The following FLNC variants were observed in gnomAD, a reference collection of about 807,000 sequenced individuals.
FLNC encodes the protein filamin-C.
A neutral mutation model predicts 254.3 loss-of-function variants in FLNC; 91 were observed. That is an observed-to-expected ratio of 0.36 (90% CI 0.30 to 0.43). FLNC has a LOEUF of 0.43. Ranked by LOEUF, FLNC falls within the 20% of genes least tolerant of loss-of-function variation. FLNC has a pLI of 1.00. For missense variants in FLNC, 2,853 were observed against 3,802.6 expected (o/e 0.75, Z 6.57); for synonymous variants, 1,430 against 1,577.2 (o/e 0.91, Z 2.21).
chr7:128,839,321 C>A (rs1017904139), intron 8 of FLNC, among the ~76,000 whole-genome samples: 1 of 152,208 alleles, frequency 6.6e-6, no homozygotes, highest in Non-Finnish European at 1.5e-5. Context: ...AGTGTCTTTG[C>A]CACTTGCCTG....
In FLNC at chr7:128,844,237, G is replaced by A. The variant is rs1808461293; in HGVS notation, c.3163G>A (p.Glu1055Lys). Residue 1055 changes from glutamate (E) to lysine (K), a missense_variant, in exon 20 of 48, where the codon GAG (glutamate) becomes AAG (lysine). By Grantham distance (56) the Glu-to-Lys change is moderately conservative. Around this residue, in one of 10 missense-constraint regions of FLNC, gnomAD observed 1,573 missense variants for 1,883.5 expected, o/e 0.84. Coordinates refer to ENST00000325888, the MANE Select transcript of FLNC (RefSeq NM_001458.5). ...HPVPGSPFAV[E>K]GVLPPDPSKV... The stretch of plus-strand genomic sequence containing the variant: ...GGTGCCTGGCAGCCCGTTTGCTGTG[G>A]AGGGTGTCCTGCCCCCTGATCCCTC... The A allele has an allele frequency of 6.2e-7, 1 of 1,610,616 alleles. No individual in the cohort carries two copies. The highest frequency in any genetic ancestry group is 8.5e-7 in the Non-Finnish European group (1 of 1,178,064).
rs992468003 is a variant in FLNC, at chr7:128,835,078, G to T, written c.353-248G>T. ...ACATAGACAGGAGGCAGACTCACTT[G>T]CTGTAGCTGAGGTGAGGGTACCTTC... On this transcript the variant is annotated intron_variant, in intron 1 of 47. Coordinates refer to ENST00000325888, the MANE Select transcript of FLNC (RefSeq NM_001458.5). This position sits in a 1 kb window ranked among gnomAD's most constrained non-coding sequence, Gnocchi z 5.3. Among the ~76,000 whole-genome samples, 3 of 152,214 alleles carry T rather than the reference G, an allele frequency of 2.0e-5. No homozygotes were observed. Among genetic ancestry groups the T allele is most frequent in the African/African-American group, 7.2e-5 (3 of 41,448 alleles).
At position 128,853,674 on chromosome 7, in the gene FLNC, G is replaced by T. The variant is rs1377226886; in HGVS notation, c.6362-41G>T. On this transcript the variant is annotated intron_variant, in intron 38 of 47. Transcript: ENST00000325888. The stretch of plus-strand genomic sequence containing the variant: ...GAGAGACAGGGAGGCCAGGAGGCTG[G>T]GGCTCTGAGGTTCCTGACCCACCCT... The T allele has an allele frequency of 4.3e-6, 7 of 1,613,856 alleles. No homozygotes were observed. The South Asian group carries it at 6.6e-5, about 15-fold the overall frequency.
Position 128,838,033 on chromosome 7 carries a change from C to A in FLNC, c.1016C>A (p.Ser339Tyr). 1 of 1,614,028 alleles carries A rather than the reference C, an allele frequency of 6.2e-7. No homozygotes were observed. The highest frequency in any genetic ancestry group is 1.1e-5 in the South Asian group (1 of 91,088). The change falls in exon 6 of 48, where the codon TCC becomes TAC. Residue 339 changes from serine (S) to tyrosine (Y), a missense_variant. Ser to Tyr is a moderately radical substitution (Grantham distance 144). This residue lies in a region of FLNC where 1,573 missense variants were observed against 1,883.5 expected (regional missense o/e 0.84). Coordinates refer to ENST00000325888, the MANE Select transcript of FLNC (RefSeq NM_001458.5). The stretch of plus-strand genomic sequence containing the variant: ...GACAAGGATCGCACCTATGCTGTCT[C>A]CTATGTGCCCAAGGTCGCTGGGTTA... The part of the protein sequence containing the change: ...NNDKDRTYAV[S>Y]YVPKVAGLHK...
rs369221655 is a variant in FLNC at position 128,835,520 on chromosome 7, C to T, written c.547C>T (p.Arg183Cys). 31 of 1,613,588 alleles carry T rather than the reference C, an allele frequency of 1.9e-5. No homozygotes were observed. Among genetic ancestry groups the T allele is most frequent in the African/African-American group, 4.0e-5 (3 of 74,938 alleles). Residue 183 changes from arginine (R) to cysteine (C), a missense_variant, in exon 2 of 48, where the codon CGT becomes TGT. Arg to Cys is a radical substitution (Grantham distance 180, BLOSUM62 -3). Transcript: ENST00000325888. The surrounding 1 kb of genome is among the most constrained non-coding windows in gnomAD (Gnocchi z 5.3). ...CCAGCTGCCCATCACCAACTTCAAC[C>T]GTGACTGGCAGGACGGCAAAGCTCT... ...VPQLPITNFN[R>C]DWQDGKALGA...
chr7:128,845,794 T>TG (rs1335782064), intron 21 of FLNC, among the ~76,000 whole-genome samples, 196 bp from the exon 22 acceptor site: 1 of 40,902 alleles, frequency 2.4e-5, no homozygotes, highest in Non-Finnish European at 5.1e-5. Context: ...CAGGGGAGGG[T>TG]GTGGGGCCCA....
chr7:128,838,561 G>A (rs1808199940), intron 7 of FLNC, 42 bp from the exon 8 acceptor site: 3 of 1,610,788 alleles, frequency 1.9e-6, no homozygotes, highest in South Asian at 1.1e-5. Context: ...CGGGGCAGCT[G>A]TGTGTGTCCA....
At chr7:128,855,395 A>G in intron 43 of FLNC, 81 bp downstream of exon 43, 1 of 930,294 alleles carries the variant, frequency 1.1e-6, no homozygotes, top group Non-Finnish European at 1.7e-6. Flanking sequence ...CCATGGGGCC[A>G]GGGATTTAGC....
chr7:128,844,872 C>T lies in FLNC; in HGVS notation c.3407C>T (p.Ala1136Val), dbSNP rs762793681. The T allele has an allele frequency of 8.7e-6, 14 of 1,613,978 alleles. No individual in the cohort carries two copies. Among genetic ancestry groups the T allele is most frequent in the Non-Finnish European group, 1.1e-5 (13 of 1,180,054 alleles). The stretch of plus-strand genomic sequence containing the variant: ...GAGTACACCATCAACATCCTGTTTG[C>T]TGAGGCCCACATCCCTGGCTCGCCC... ...PGEYTINILFAEAHIPGSPFK... is the reference protein window; with the variant it reads ...PGEYTINILFVEAHIPGSPFK... Residue 1136 changes from alanine to valine, a missense_variant, in exon 21 of 48, where the codon GCT (alanine) becomes GTT (valine). Around this residue, in one of 10 missense-constraint regions of FLNC, gnomAD observed 1,573 missense variants for 1,883.5 expected, o/e 0.84. Transcript: ENST00000325888.
chr7:128,840,207 A>T (rs1362853771), intron 9 of FLNC, 47 bp downstream of exon 9: 4 of 1,607,926 alleles, frequency 2.5e-6, no homozygotes, highest in Non-Finnish European at 3.4e-6. Context: ...GGGGGATCAT[A>T]AGGGAAGTAT....
In FLNC at chr7:128,846,936, G is replaced by T; in HGVS notation, c.4288+31G>T. On this transcript the variant is annotated intron_variant, in intron 24 of 47. Coordinates refer to ENST00000325888, the MANE Select transcript of FLNC (RefSeq NM_001458.5). ...CAGAGAGAGTGGTCGGGGTCTCAGG[G>T]AAGACAAGGGAGGGTGCAGGATGCT... 2.5e-6 allele frequency: 4 copies of T among 1,613,438 alleles called. No individual in the cohort carries two copies. The South Asian group carries it at 3.3e-5, about 13-fold the overall frequency.
chr7:128,842,262 T>A lies in FLNC; in HGVS notation c.2153T>A (p.Val718Glu). ...DADGCPIDIK[V>E]IPNGDGTFRC... ...GACGGCTGTCCCATCGACATCAAGG[T>A]GATCCCCAACGGCGACGGCACCTTC... The change falls in exon 14 of 48, where the codon GTG becomes GAG. Residue 718 changes from valine to glutamate, a missense_variant. This residue lies in a region of FLNC where 1,573 missense variants were observed against 1,883.5 expected (regional missense o/e 0.84). Transcript: ENST00000325888. The surrounding 1 kb of genome is among the most constrained non-coding windows in gnomAD (Gnocchi z 5.4). 1 of 1,613,624 alleles carries A rather than the reference T, an allele frequency of 6.2e-7. No individual in the cohort carries two copies. Among genetic ancestry groups the A allele is most frequent in the East Asian group, 2.2e-5 (1 of 44,874 alleles).
At chr7:128,846,270 C>G (rs1202617010) in intron 22 of FLNC, 31 bp from the exon 23 acceptor site, 30 of 1,613,388 alleles carry the variant, frequency 1.9e-5, no homozygotes, top group Non-Finnish European at 2.4e-5. Context: ...GCGCACACTC[C>G]CTGATTGATG....
chr7:128,843,575 C>T lies in FLNC; in HGVS notation c.2809C>T (p.Gln937Ter). 6.2e-7 allele frequency: 1 copy of T among 1,613,754 alleles called. No individual in the cohort carries two copies. The highest frequency in any genetic ancestry group is 8.5e-7 in the Non-Finnish European group (1 of 1,179,986). The change falls in exon 18 of 48, where the codon CAG (glutamine) becomes TAG (stop). Residue 937 changes from glutamine to a stop codon, truncating the protein, a stop_gained and splice_region_variant. Transcript: ENST00000325888. LOFTEE classifies it high-confidence loss of function. The part of the protein sequence containing the change: ...SYTVKYTAVQ[Q>*]GNMAVTVTYG... ...CACTGTCAAGTACACCGCTGTCCAGCAGGTGCGCTCTGCCCCTCCCATGCT... is the reference window on the plus strand; with the variant it reads ...CACTGTCAAGTACACCGCTGTCCAGTAGGTGCGCTCTGCCCCTCCCATGCT...
Position 128,836,478 on chromosome 7 carries a change from G to A in FLNC, c.602-682G>A, listed in dbSNP as rs1018666286. 4.7e-4 allele frequency among the ~76,000 whole-genome samples: 72 copies of A among 152,074 alleles called. No homozygotes were observed. The highest frequency in any genetic ancestry group is 1.6e-3 in the African/African-American group (67 of 41,386). ...GGCCCCCTCCCCGAAACGGTGTGCC[G>A]TCCCCCTCCTCCAGCTCTGGCCTAA... is the stretch of plus-strand genomic sequence containing the variant. On this transcript the variant is annotated intron_variant, in intron 2 of 47. Transcript: ENST00000325888. The surrounding 1 kb of genome is among the most constrained non-coding windows in gnomAD (Gnocchi z 6.0).
intron 23 of FLNC, 102 bp downstream of exon 23, chr7:128,846,565 C>T (rs1213029930): frequency 6.8e-7 from 1 of 1,478,754 alleles, no homozygotes; most frequent in Non-Finnish European, 9.3e-7. Context: ...ACCCCATCCT[C>T]TCTCAGGGGT....
intron 31 of FLNC, 68 bp downstream of exon 31, chr7:128,850,142 T>C: frequency 7.6e-7 from 1 of 1,322,486 alleles, no homozygotes. Flanking sequence ...TCTCTACTCC[T>C]CTGCAGCCAG....
Position 128,830,763 on chromosome 7 carries a change from C to T in FLNC, c.126C>T (p.Phe42=), listed in dbSNP as rs746857110. Residue 42 remains phenylalanine (F), a synonymous_variant, in exon 1 of 48, where the codon TTC becomes TTT. Coordinates refer to ENST00000325888, the MANE Select transcript of FLNC (RefSeq NM_001458.5). The part of the protein sequence containing the change: ...APWKKIQQNT[F]TRWCNEHLKC... ...GGAAGAAGATCCAGCAGAACACATTCACGCGCTGGTGCAATGAGCACCTCA... is the reference window on the plus strand; with the variant it reads ...GGAAGAAGATCCAGCAGAACACATTTACGCGCTGGTGCAATGAGCACCTCA... The T allele has an allele frequency of 1.9e-6, 3 of 1,613,216 alleles. No homozygotes were observed. Among genetic ancestry groups the T allele is most frequent in the South Asian group, 2.2e-5 (2 of 91,082 alleles).
rs141864231 is a variant in FLNC at position 128,835,250 on chromosome 7, C to T, written c.353-76C>T. ...CCCAGAGCTCTGGCCCGAGGAGCTG[C>T]GCAGGTGAGGGAGGGTGCTCTGGGG... On this transcript the variant is annotated intron_variant, in intron 1 of 47. Transcript: ENST00000325888. The surrounding 1 kb of genome is among the most constrained non-coding windows in gnomAD (Gnocchi z 5.3). 4.6e-3 allele frequency: 7,410 copies of T among 1,603,104 alleles called. 25 individuals carry two copies. The highest frequency in any genetic ancestry group is 5.3e-3 in the Non-Finnish European group (6,278 of 1,173,598).
Sources: gnomAD v4.1 joint callset for allele counts (sites outside exome capture counted in the v4.1 genomes callset) on GRCh38, gnomAD v4.1.1 for gene constraint, gnomAD v4.1.1 regional missense constraint, Gnocchi (gnomAD v3.1) non-coding constraint, MANE v1.5 for transcripts, NCBI Gene and HGNC (gene_info 2026-07-23, HGNC 2026-07-21) for gene names.